EIPR1: variants seen among roughly 807,000 people sequenced by gnomAD.
EIPR1 encodes EARP and GARP complex-interacting protein 1.
A neutral mutation model predicts 48.1 loss-of-function variants in EIPR1; 25 were observed. That is an observed-to-expected ratio of 0.52 (90% CI 0.38 to 0.73). EIPR1 has a LOEUF of 0.73. EIPR1 is among the 30% of genes least tolerant of loss of function. The pLI is 0.00. For missense variants in EIPR1, 415 were observed against 506.2 expected, an observed-to-expected ratio of 0.82 and a Z score of 1.73; for synonymous variants, 204 against 201.9, an observed-to-expected ratio of 1.01 and a Z score of -0.09.
chr2:3,305,097 C>CCTCCAATCCCATCT (rs1668892982), intron 3 of EIPR1, among the ~76,000 whole-genome samples: 1 of 142,806 alleles, frequency 7.0e-6, no homozygotes. Context: ...CACTCCCAAC[C>CCTCCAATCCCATCT]AGTTCAGCCC....
intron 3 of EIPR1, among the ~76,000 whole-genome samples, chr2:3,261,357 C>T (rs150751007): frequency 6.4e-4 from 97 of 152,288 alleles, no homozygotes; most frequent in African/African-American, 2.2e-3. Flanking sequence ...GAGCAGAAGG[C>T]TGAGGGAAGT....
At chr2:3,353,845 CCT>C (rs1404211329) in intron 2 of EIPR1, among the ~76,000 whole-genome samples, 2 of 152,130 alleles carry the variant, frequency 1.3e-5, no homozygotes, top group East Asian at 1.9e-4. Flanking sequence ...TGCCATTTCC[CCT>C]GTGTGATCAG....
chr2:3,208,923 G>C (rs541335874), intron 5 of EIPR1: 3 of 1,534,366 alleles, frequency 2.0e-6, no homozygotes, highest in Non-Finnish European at 2.6e-6. Flanking sequence ...CACAGGGTCC[G>C]TGCACGCTCC....
chr2:3,239,466 C>T (rs935744675), intron 4 of EIPR1, among the ~76,000 whole-genome samples: 2 of 152,192 alleles, frequency 1.3e-5, no homozygotes, highest in African/African-American at 4.8e-5. Context: ...CTCAGTGTGC[C>T]GGCAGTTTTG....
At chr2:3,232,873 G>A (rs572994454) in intron 4 of EIPR1, among the ~76,000 whole-genome samples, 1 of 151,950 alleles carries the variant, frequency 6.6e-6, no homozygotes, top group East Asian at 1.9e-4. Context: ...TAGATGTAAC[G>A]AGTTTTGCTA....
At chr2:3,194,328 C>G in intron 6 of EIPR1, 162 bp from the exon 7 acceptor site, 1 of 722,716 alleles carries the variant, frequency 1.4e-6, no homozygotes, top group Admixed American at 2.9e-5. Flanking sequence ...AGGCTGGCGC[C>G]ACCTCCTCCA....
chr2:3,371,353 C>G (rs1671110758), intron 1 of EIPR1, among the ~76,000 whole-genome samples: 1 of 152,186 alleles, frequency 6.6e-6, no homozygotes, highest in Non-Finnish European at 1.5e-5. Context: ...AACCAGCTAA[C>G]AGCATGACAG....
At chr2:3,209,147 T>G (rs1665349489) in intron 5 of EIPR1, among the ~76,000 whole-genome samples, 1 of 151,986 alleles carries the variant, frequency 6.6e-6, no homozygotes, top group African/African-American at 2.4e-5. Context: ...AGAGGGTGAT[T>G]TGAAAGTTGG....
chr2:3,220,333 C>T (rs143182661), intron 4 of EIPR1, among the ~76,000 whole-genome samples: 234 of 151,762 alleles, frequency 1.5e-3, no homozygotes, highest in African/African-American at 5.2e-3. Context: ...CGGGGACACA[C>T]GCACACAATG....
intron 4 of EIPR1, among the ~76,000 whole-genome samples, chr2:3,217,309 T>G (rs1315468671): frequency 6.6e-6 from 1 of 152,242 alleles, no homozygotes; most frequent in Admixed American, 6.5e-5. Flanking sequence ...TGTAAGGAGC[T>G]GTTCTTAGTC....
chr2:3,316,730 C>T (rs1008115584), intron 3 of EIPR1, among the ~76,000 whole-genome samples: 2 of 152,242 alleles, frequency 1.3e-5, no homozygotes, highest in African/African-American at 4.8e-5. Context: ...CTTCAAGTAA[C>T]AAACCACAAA....
At chr2:3,333,462 G>T (rs760957119) in intron 3 of EIPR1, among the ~76,000 whole-genome samples, 1 of 152,168 alleles carries the variant, frequency 6.6e-6, no homozygotes, top group Non-Finnish European at 1.5e-5. Context: ...GGAAGGCCAG[G>T]TGTGGTGGCT....
chr2:3,263,832 C>T (rs1410851752), intron 3 of EIPR1, among the ~76,000 whole-genome samples: 1 of 143,342 alleles, frequency 7.0e-6, no homozygotes, highest in Non-Finnish European at 1.5e-5. Flanking sequence ...ACAAATGATG[C>T]TGCAGCACCA....
At chr2:3,272,816 C>T (rs755937542) in intron 3 of EIPR1, among the ~76,000 whole-genome samples, 14 of 152,134 alleles carry the variant, frequency 9.2e-5, no homozygotes, top group South Asian at 6.2e-4. Flanking sequence ...ACAGGGTTGC[C>T]GCAAACCTTC....
intron 3 of EIPR1, among the ~76,000 whole-genome samples, chr2:3,259,767 C>A (rs1396993672): frequency 6.6e-6 from 1 of 152,192 alleles, no homozygotes; most frequent in Non-Finnish European, 1.5e-5. Context: ...TGGAAAGAAA[C>A]AGACCCTTAG....
chr2:3,198,457 C>T (rs367667734), intron 5 of EIPR1, among the ~76,000 whole-genome samples: 3 of 152,326 alleles, frequency 2.0e-5, no homozygotes, highest in Non-Finnish European at 2.9e-5. Flanking sequence ...CTTCACCTCC[C>T]ACTCCGAAAG....
At chr2:3,375,000 A>T (rs1157891999) in intron 1 of EIPR1, among the ~76,000 whole-genome samples, 2 of 142,944 alleles carry the variant, frequency 1.4e-5, no homozygotes, top group East Asian at 4.1e-4. Flanking sequence ...ACAATGATAG[A>T]CTGGATTAAG....
chr2:3,220,738 G>A (rs965687993), intron 4 of EIPR1, among the ~76,000 whole-genome samples: 2 of 151,110 alleles, frequency 1.3e-5, no homozygotes, highest in Admixed American at 1.3e-4. Context: ...AGTGAGTCCG[G>A]AACACACGCA....
At chr2:3,288,838 T>G (rs1019997093) in intron 3 of EIPR1, among the ~76,000 whole-genome samples, 1 of 152,204 alleles carries the variant, frequency 6.6e-6, no homozygotes, top group African/African-American at 2.4e-5. Flanking sequence ...AACCAGATTC[T>G]GGTGCACCAG....
Sources: gnomAD v4.1 joint callset for allele counts (sites outside exome capture counted in the v4.1 genomes callset) on GRCh38, gnomAD v4.1.1 for gene constraint, MANE v1.5 for transcripts, NCBI Gene and HGNC (gene_info 2026-07-23, HGNC 2026-07-21) for gene names.